The following RARB variants were observed in gnomAD, a reference collection of about 807,000 sequenced individuals.
The protein encoded by RARB is retinoic acid receptor beta.
In RARB, 17 loss-of-function variants were observed where a neutral mutation model predicts 51.9. The observed-to-expected ratio is 0.33, with a 90% confidence interval of 0.22 to 0.49. The LOEUF (loss-of-function observed/expected upper bound fraction) is 0.49. Among genes scored for constraint, RARB ranks in the 20% least tolerant of loss-of-function variants. The pLI is 0.99. For synonymous variants in RARB, 215 were observed against 195.4 expected, an observed-to-expected ratio of 1.10 and a Z score of -0.84; for missense variants, 369 against 550.8, an observed-to-expected ratio of 0.67 and a Z score of 3.30.
At chr3:24,915,008 T>C (rs1460083991) in intron 2 of RARB, among the ~76,000 whole-genome samples, 4 of 152,224 alleles carry the variant, frequency 2.6e-5, no homozygotes, top group Admixed American at 6.5e-5. Context: ...GAGATTGATA[T>C]TGTTTGTCTT....
At chr3:24,991,898 C>T (rs985811828) in intron 2 of RARB, among the ~76,000 whole-genome samples, 9 of 152,118 alleles carry the variant, frequency 5.9e-5, no homozygotes, top group Non-Finnish European at 1.2e-4. Context: ...CTGCCCCCAG[C>T]ATGAGGACCT....
intron 2 of RARB, among the ~76,000 whole-genome samples, chr3:24,860,835 G>A (rs1702736779): frequency 6.6e-6 from 1 of 152,154 alleles, no homozygotes; most frequent in African/African-American, 2.4e-5. Flanking sequence ...TTTCTAAAAA[G>A]AGGAATTGAA....
chr3:24,876,426 A>T (rs1376279990), intron 2 of RARB, among the ~76,000 whole-genome samples: 1 of 152,156 alleles, frequency 6.6e-6, no homozygotes, highest in Non-Finnish European at 1.5e-5. Context: ...TAATGCAAAT[A>T]TTATTATGGG....
intron 5 of RARB, among the ~76,000 whole-genome samples, chr3:25,273,390 A>C (rs541443874): frequency 6.6e-6 from 1 of 152,328 alleles, no homozygotes; most frequent in Admixed American, 6.5e-5. Flanking sequence ...AATGGAAACT[A>C]AGGTGAAAGT....
At chr3:25,214,088 CATAG>C (rs1336039728) in intron 5 of RARB, among the ~76,000 whole-genome samples, 1 of 152,156 alleles carries the variant, frequency 6.6e-6, no homozygotes, top group African/African-American at 2.4e-5. Context: ...TCATAGTCAG[CATAG>C]ATAGATGGGA....
exon 5 of RARB, chr3:25,174,190 C>A: frequency 3.9e-6 from 1 of 259,608 alleles, no homozygotes; most frequent in South Asian, 4.8e-5. Context: ...ACGACGAAAG[C>A]ATCCTTCCTG....
At chr3:25,592,899 C>T (rs781702617) in intron 5 of RARB, among the ~76,000 whole-genome samples, 3 of 152,112 alleles carry the variant, frequency 2.0e-5, no homozygotes, top group Admixed American at 6.6e-5. Flanking sequence ...CCTGTGTAAC[C>T]GTGTGATCAG....
intron 5 of RARB, among the ~76,000 whole-genome samples, chr3:25,340,628 A>T (rs990774367): frequency 1.3e-5 from 2 of 152,192 alleles, no homozygotes; most frequent in Non-Finnish European, 2.9e-5. Flanking sequence ...GGCTCTACAA[A>T]GCAGGAAATA....
intron 5 of RARB, among the ~76,000 whole-genome samples, chr3:25,327,866 A>C (rs1021758898): frequency 6.6e-6 from 1 of 152,232 alleles, no homozygotes; most frequent in Admixed American, 6.5e-5. Flanking sequence ...AGGTATATGA[A>C]AGAAAATTAA....
chr3:25,337,051 A>C (rs1024517410), intron 5 of RARB, among the ~76,000 whole-genome samples: 1 of 152,220 alleles, frequency 6.6e-6, no homozygotes, highest in African/African-American at 2.4e-5. Flanking sequence ...TTTCTAGTAG[A>C]GCTAAACTCC....
chr3:25,239,127 G>A (rs1575245988), intron 5 of RARB, among the ~76,000 whole-genome samples: 1 of 152,144 alleles, frequency 6.6e-6, no homozygotes, highest in African/African-American at 2.4e-5. Flanking sequence ...GCCTATTCAT[G>A]TCCTTTGCCC....
At position 24,931,758 on chromosome 3, in the gene RARB, G is replaced by A. The variant is rs144787817; in HGVS notation, c.-380+73006G>A. The stretch of plus-strand genomic sequence containing the variant: ...TCTATGATATGAATGGTGTCCCTTA[G>A]ACTTGAGCAGTGCCACTGCCACAGC... On this transcript the variant is annotated intron_variant, in intron 2 of 11. Transcript: ENST00000383772. Among the ~76,000 whole-genome samples, 24 of 152,172 alleles carry A rather than the reference G, an allele frequency of 1.6e-4. No homozygotes were observed. The East Asian group carries it at 2.7e-3, about 17-fold the overall frequency.
chr3:25,574,445 G>T (rs1009396143), intron 4 of RARB, among the ~76,000 whole-genome samples: 1 of 152,168 alleles, frequency 6.6e-6, no homozygotes, highest in African/African-American at 2.4e-5. Context: ...CATCATAAAT[G>T]TCTTGTCATT....
intron 2 of RARB, among the ~76,000 whole-genome samples, chr3:25,467,482 A>G (rs1695489523): frequency 7.0e-6 from 1 of 143,130 alleles, no homozygotes; most frequent in African/African-American, 2.6e-5. Flanking sequence ...GGTTCCCATC[A>G]GTAAGAGAAG....
intron 4 of RARB, among the ~76,000 whole-genome samples, chr3:25,165,743 C>T (rs1442973685): frequency 6.6e-6 from 1 of 152,166 alleles, no homozygotes; most frequent in Non-Finnish European, 1.5e-5. Flanking sequence ...CATGTGTGTG[C>T]ATTGCTAGCA....
chr3:25,241,364 G>C (rs1374047679), intron 5 of RARB, among the ~76,000 whole-genome samples: 1 of 152,088 alleles, frequency 6.6e-6, no homozygotes, highest in Non-Finnish European at 1.5e-5. Context: ...TGCAGAACAT[G>C]CAGTTTTGTT....
At chr3:25,341,538 T>C (rs1705227506) in intron 5 of RARB, among the ~76,000 whole-genome samples, 1 of 152,090 alleles carries the variant, frequency 6.6e-6, no homozygotes, top group African/African-American at 2.4e-5. Flanking sequence ...AGGGTTGGGG[T>C]GAAAGATGGA....
intron 2 of RARB, among the ~76,000 whole-genome samples, chr3:24,947,582 G>T (rs1266246001): frequency 1.3e-5 from 2 of 152,138 alleles, no homozygotes; most frequent in African/African-American, 4.8e-5. Flanking sequence ...ATACATTTTT[G>T]CAGCTGCAAG....
intron 5 of RARB, among the ~76,000 whole-genome samples, chr3:25,210,299 G>C (rs1317958340): frequency 6.6e-6 from 1 of 152,036 alleles, no homozygotes; most frequent in Non-Finnish European, 1.5e-5. Context: ...CACAGTGCTA[G>C]GCATATAAAT....
Sources: allele counts gnomAD v4.1 joint callset (sites outside exome capture counted in the v4.1 genomes callset), GRCh38; gene constraint gnomAD v4.1.1; transcripts MANE v1.5; gene names NCBI Gene and HGNC (gene_info 2026-07-23, HGNC 2026-07-21).